The following TOX2 variants were observed in gnomAD, a reference collection of about 807,000 sequenced individuals.
TOX2 encodes the protein TOX high mobility group box family member 2, also known as granulosa cell HMG box 1.
In TOX2, 15 loss-of-function variants were observed where a neutral mutation model predicts 47.4. That is an observed-to-expected ratio of 0.32 (90% CI 0.21 to 0.49). TOX2 has a LOEUF of 0.49. Ranked by LOEUF, TOX2 falls within the 20% of genes least tolerant of loss-of-function variation. TOX2 has a pLI of 0.99. For missense variants in TOX2, 622 were observed against 673.1 expected (o/e 0.92, Z 0.84); for synonymous variants, 290 against 296.6 (o/e 0.98, Z 0.23).
intron 1 of TOX2, among the ~76,000 whole-genome samples, chr20:43,960,072 G>T (rs905023090): frequency 1.3e-5 from 2 of 152,212 alleles, no homozygotes; most frequent in Non-Finnish European, 2.9e-5. Context: ...TAAAATGGGA[G>T]CCTCAGTAAC....
chr20:43,954,667 T>C (rs1258257543), intron 1 of TOX2, among the ~76,000 whole-genome samples: 2 of 152,158 alleles, frequency 1.3e-5, no homozygotes, highest in African/African-American at 4.8e-5. Flanking sequence ...GCCAGTGATT[T>C]CTCTGGGCAC....
chr20:44,034,709 C>T (rs1423558523), intron 3 of TOX2, among the ~76,000 whole-genome samples: 1 of 152,222 alleles, frequency 6.6e-6, no homozygotes, highest in Non-Finnish European at 1.5e-5. Context: ...GACTTGTGAC[C>T]TCTGCTTCTC....
rs557840478 is a variant in TOX2 at position 44,066,946 on chromosome 20, C to T, written c.1484+89C>T. 5.2e-6 allele frequency: 8 copies of T among 1,537,320 alleles called. No homozygotes were observed. In the African/African-American group the frequency reaches 6.8e-5, roughly 13 times the overall value. On this transcript the variant is annotated intron_variant, in intron 8 of 8. Transcript: ENST00000341197. ...GGGATGGGAGAATGGCCAAGGGCAA[C>T]GTGGACAGGGGAGGACCCTGCAGTC...
chr20:43,937,193 G>A (rs1569012900), intron 1 of TOX2, among the ~76,000 whole-genome samples: 4 of 152,270 alleles, frequency 2.6e-5, no homozygotes, highest in Admixed American at 2.6e-4. Flanking sequence ...GGAAGAGCAC[G>A]CGCGAAGGTC....
chr20:43,999,658 C>T (rs955207812), intron 2 of TOX2, among the ~76,000 whole-genome samples: 3 of 152,188 alleles, frequency 2.0e-5, no homozygotes, highest in East Asian at 1.9e-4. Flanking sequence ...ACTATCTGAG[C>T]GTCTACAGAT....
intron 1 of TOX2, among the ~76,000 whole-genome samples, chr20:43,919,326 A>G (rs1313230855): frequency 1.3e-5 from 2 of 152,204 alleles, no homozygotes; most frequent in Non-Finnish European, 2.9e-5. Flanking sequence ...TATGGGTGAA[A>G]TATATGGTAT....
intron 2 of TOX2, among the ~76,000 whole-genome samples, chr20:43,987,015 G>A (rs1267533412): frequency 1.3e-5 from 2 of 152,158 alleles, no homozygotes; most frequent in Admixed American, 1.3e-4. Flanking sequence ...AATGAGCCAT[G>A]TTTGCTCCAT....
chr20:43,950,596 T>G (rs1343029671), intron 1 of TOX2, among the ~76,000 whole-genome samples: 3 of 151,978 alleles, frequency 2.0e-5, no homozygotes, highest in Non-Finnish European at 4.4e-5. Context: ...GGCCCTGGAA[T>G]GCTCTCCCCA....
chr20:44,004,788 C>T (rs111255060), intron 2 of TOX2, among the ~76,000 whole-genome samples: 6 of 152,218 alleles, frequency 3.9e-5, no homozygotes, highest in East Asian at 3.8e-4. Flanking sequence ...TTTTAACACA[C>T]GCACTTAAAC....
intron 3 of TOX2, among the ~76,000 whole-genome samples, chr20:44,026,254 C>CATATATATATATATATATAT (rs1569109306): frequency 1.3e-5 from 1 of 78,336 alleles, no homozygotes; most frequent in African/African-American, 6.2e-5. Context: ...TATATAGACA[C>CATATATATATATATATATAT]ACACACACAC....
At chr20:44,001,431 T>C (rs775974498) in intron 2 of TOX2, among the ~76,000 whole-genome samples, 1 of 152,234 alleles carries the variant, frequency 6.6e-6, no homozygotes, top group South Asian at 2.1e-4. Flanking sequence ...TTCAGTGTCA[T>C]GCATGTAGGA....
At chr20:43,995,247 A>G (rs1259376197) in intron 2 of TOX2, among the ~76,000 whole-genome samples, 1 of 152,200 alleles carries the variant, frequency 6.6e-6, no homozygotes, top group Non-Finnish European at 1.5e-5. Context: ...GAAAGATTCT[A>G]TTAAACATGT....
chr20:43,961,300 G>T (rs1001814618), intron 1 of TOX2, among the ~76,000 whole-genome samples: 2 of 152,218 alleles, frequency 1.3e-5, no homozygotes, highest in African/African-American at 4.8e-5. Flanking sequence ...GTGTGATCTG[G>T]GCAGGGGGCT....
At chr20:43,997,075 G>A (rs569238669) in intron 2 of TOX2, among the ~76,000 whole-genome samples, 1 of 152,256 alleles carries the variant, frequency 6.6e-6, no homozygotes, top group African/African-American at 2.4e-5. Context: ...CTCTCAACAA[G>A]CTCTTTGGAA....
intron 1 of TOX2, among the ~76,000 whole-genome samples, chr20:43,965,234 T>A (rs1419997216): frequency 6.6e-6 from 1 of 152,140 alleles, no homozygotes; most frequent in Non-Finnish European, 1.5e-5. Flanking sequence ...ATTGATTGAC[T>A]GACTTTCAGA....
At chr20:43,927,194 G>C (rs1307665016) in intron 1 of TOX2, among the ~76,000 whole-genome samples, 1 of 152,090 alleles carries the variant, frequency 6.6e-6, no homozygotes, top group Non-Finnish European at 1.5e-5. Context: ...TACCAATCAG[G>C]GGTCATTTTT....
chr20:44,019,093 T>TGACC (rs199552985), intron 3 of TOX2, among the ~76,000 whole-genome samples: 2 of 149,614 alleles, frequency 1.3e-5, no homozygotes, highest in African/African-American at 5.1e-5. Flanking sequence ...ACTGACTGAC[T>TGACC]GACTGACTGA....
At chr20:43,992,241 A>G (rs2070380860) in intron 2 of TOX2, among the ~76,000 whole-genome samples, 1 of 152,100 alleles carries the variant, frequency 6.6e-6, no homozygotes, top group Admixed American at 6.6e-5. Context: ...GAACTGGGAG[A>G]CTTATCTGAT....
At chr20:44,014,115 A>G (rs993710484) in intron 3 of TOX2, among the ~76,000 whole-genome samples, 3 of 114,358 alleles carry the variant, frequency 2.6e-5, no homozygotes, top group Non-Finnish European at 5.0e-5. Context: ...TGGGTGACAG[A>G]GTGAGACTAT....
Sources: allele counts gnomAD v4.1 joint callset (sites outside exome capture counted in the v4.1 genomes callset), GRCh38; gene constraint gnomAD v4.1.1; transcripts MANE v1.5; gene names NCBI Gene and HGNC (gene_info 2026-07-23, HGNC 2026-07-21).